Variants in ZAN observed in about 807,000 individuals in gnomAD.
ZAN encodes the protein zonadhesin.
In ZAN, 260 loss-of-function variants were observed where a neutral mutation model predicts 286.2. That is an observed-to-expected ratio of 0.91 (90% confidence interval 0.82 to 1.01). ZAN has a LOEUF of 1.01. Ranked by LOEUF, ZAN falls within the 50% of genes least tolerant of loss-of-function variation. The pLI is 0.00. For synonymous variants in ZAN, 1,368 were observed against 1,417.5 expected (o/e 0.97, Z 0.79); for missense variants, 3,410 against 3,639.2 (o/e 0.94, Z 1.62).
chr7:100,794,415 G>A (rs1236238844), intron 44 of ZAN, among the ~76,000 whole-genome samples, 157 bp downstream of exon 44: 2 of 152,140 alleles, frequency 1.3e-5, no homozygotes, highest in Non-Finnish European at 2.9e-5. Context: ...AAGATCTCCC[G>A]ATCCCTAAGC....
chr7:100,786,193 G>A (rs73411145), intron 37 of ZAN, 52 bp downstream of exon 37: 26 of 1,605,200 alleles, frequency 1.6e-5, no homozygotes, highest in Admixed American at 1.3e-4. Flanking sequence ...TGGCCAGGGC[G>A]GAGGTGGAGG....
In ZAN at chr7:100,752,948, C is replaced by T. The variant is rs1808868650; in HGVS notation, c.2843C>T (p.Pro948Leu). Residue 948 changes from proline to leucine, a missense_variant, in exon 14 of 48, where the codon CCC (proline) becomes CTC (leucine). This residue lies in a region of ZAN where 1,042 missense variants were observed against 1,058.0 expected (regional missense o/e 0.98). Transcript: ENST00000613979. The part of the protein sequence containing the change: ...TEKLTIPTEK[P>L]TISPEKLTIP... Reference sequence around the variant, plus strand: ...AAACTCACCATCCCCACAGAAAAACCCACCATCTCCCCAGAAAAACTCACC... The same window carrying T: ...AAACTCACCATCCCCACAGAAAAACTCACCATCTCCCCAGAAAAACTCACC... 1 of 1,609,916 alleles carries T rather than the reference C, an allele frequency of 6.2e-7. No individual in the cohort carries two copies. The highest frequency in any genetic ancestry group is 8.5e-7 in the Non-Finnish European group (1 of 1,178,492).
At chr7:100,776,370 A>C in intron 33 of ZAN, 70 bp from the exon 34 acceptor site, 1 of 1,513,576 alleles carries the variant, frequency 6.6e-7, no homozygotes, top group Non-Finnish European at 8.9e-7. Context: ...GAGGGAAGGA[A>C]AGAAGGAAGG....
chr7:100,792,969 C>G (rs976716206), intron 42 of ZAN, among the ~76,000 whole-genome samples: 6 of 78,500 alleles, frequency 7.6e-5, no homozygotes, highest in African/African-American at 2.8e-4. Flanking sequence ...GGCAACAGAG[C>G]AACATCCTAT....
At chr7:100,746,832 G>A in intron 8 of ZAN, 130 bp downstream of exon 8, 1 of 1,168,994 alleles carries the variant, frequency 8.6e-7, no homozygotes, top group Non-Finnish European at 1.2e-6. Flanking sequence ...ATTCCATGAA[G>A]TGGAAATCAT....
intron 12 of ZAN, 113 bp downstream of exon 12, chr7:100,751,009 A>G (rs770130350): frequency 1.0e-5 from 15 of 1,465,314 alleles, no homozygotes; most frequent in Non-Finnish European, 1.4e-5. Context: ...AGCCGAGAAA[A>G]GGGGAACTTC....
In ZAN at chr7:100,746,703, G is replaced by T; in HGVS notation, c.931+1G>T. 1 of 1,613,854 alleles carries T rather than the reference G, an allele frequency of 6.2e-7. No individual in the cohort carries two copies. The highest frequency in any genetic ancestry group is 2.2e-5 in the East Asian group (1 of 44,880). On this transcript the variant is annotated splice_donor_variant, in intron 8 of 47. Transcript: ENST00000613979. LOFTEE classifies it high-confidence loss of function. ...CTCCACATTTATGCTTCAGTCTTGG[G>T]TTAGAGCGGAGAATTAATGGGATTT...
intron 12 of ZAN, 69 bp downstream of exon 12, chr7:100,750,965 C>A: frequency 1.3e-6 from 2 of 1,509,192 alleles, no homozygotes; most frequent in Non-Finnish European, 1.8e-6. Flanking sequence ...CTGGGGGCGC[C>A]ACCAGTGCTG....
In ZAN at chr7:100,797,632, C is replaced by G; in HGVS notation, c.8413+9C>G. ...CAGGCTGGTGGACACAGGTGAGAAC[C>G]AACCCCACAGCCCGGAACCTCGGGG... On this transcript the variant is annotated intron_variant, in intron 47 of 47. Transcript: ENST00000613979. 6.2e-7 allele frequency: 1 copy of G among 1,613,996 alleles called. No homozygotes were observed. The highest frequency in any genetic ancestry group is 1.1e-5 in the South Asian group (1 of 91,082).
intron 37 of ZAN, 146 bp from the exon 38 acceptor site, chr7:100,787,743 G>A (rs1268102631): frequency 2.3e-6 from 2 of 859,882 alleles, no homozygotes; most frequent in East Asian, 3.2e-5. Context: ...TGTATTTTTA[G>A]TAGAGACAGG....
chr7:100,784,099 T>A (rs563592482), intron 35 of ZAN, among the ~76,000 whole-genome samples: 5 of 150,474 alleles, frequency 3.3e-5, no homozygotes, highest in Admixed American at 6.7e-5. Context: ...CCACCGTCCT[T>A]CATGCTGGCT....
rs1809721115 is a variant in ZAN, at chr7:100,763,247, C to T, written c.3987-559C>T. 6.6e-6 allele frequency among the ~76,000 whole-genome samples: 1 copy of T among 152,136 alleles called. No individual in the cohort carries two copies. The highest frequency in any genetic ancestry group is 1.5e-5 in the Non-Finnish European group (1 of 68,030). ...CCCAAAATGCAAAATGCCGGGATTA[C>T]AGGCATCACCACCACACCCAGCCTG... On this transcript the variant is annotated intron_variant, in intron 20 of 47. Coordinates refer to ENST00000613979, the MANE Select transcript of ZAN (RefSeq NM_003386.3). This position sits in a 1 kb window ranked among gnomAD's most constrained non-coding sequence, Gnocchi z 4.6.
At chr7:100,759,627 TC>T in intron 17 of ZAN, 93 bp from the exon 18 acceptor site, 1 of 1,262,606 alleles carries the variant, frequency 7.9e-7, no homozygotes. Context: ...TCGGTGGCGC[TC>T]ATCTCTCCCT....
At position 100,744,877 on chromosome 7, in the gene ZAN, T is replaced by G. The variant is rs188434768; in HGVS notation, c.767-1661T>G. 3.1e-3 allele frequency among the ~76,000 whole-genome samples: 463 copies of G among 151,194 alleles called. 14 individuals carry two copies. The highest frequency in any genetic ancestry group is 9.1e-3 in the African/African-American group (375 of 41,004). The stretch of plus-strand genomic sequence containing the variant: ...TCTCATAGGTCTCCTTGGTTTTTTT[T>G]TTGTTGTTGTTGTTTGTTTGTTTTT... On this transcript the variant is annotated intron_variant, in intron 7 of 47. Coordinates refer to ENST00000613979, the MANE Select transcript of ZAN (RefSeq NM_003386.3).
Position 100,790,990 on chromosome 7 carries a change from G to T in ZAN, c.7406G>T (p.Gly2469Val). The T allele has an allele frequency of 6.2e-7, 1 of 1,612,168 alleles. No homozygotes were observed. The highest frequency in any genetic ancestry group is 1.1e-5 in the South Asian group (1 of 90,580). ...MYEGLVSGLC[G>V]NYDKNRKNDM... ...GAGGGGCTTGTGAGTGGCCTGTGCG[G>T]AAACTACGACAAGAACCGCAAGAAT... is the stretch of plus-strand genomic sequence containing the variant. The change falls in exon 40 of 48, where the codon GGA (glycine) becomes GTA (valine). Residue 2469 changes from glycine to valine, a missense_variant. Gly to Val is a moderately radical substitution (Grantham distance 109). This residue lies in a region of ZAN where 1,289 missense variants were observed against 1,314.3 expected (regional missense o/e 0.98). Transcript: ENST00000613979.
intron 34 of ZAN, among the ~76,000 whole-genome samples, chr7:100,777,327 GAC>G (rs772041517): frequency 6.6e-6 from 1 of 151,496 alleles, no homozygotes; most frequent in Non-Finnish European, 1.5e-5. Context: ...AATCATGAGC[GAC>G]TGCACCTGGA....
In ZAN at chr7:100,792,137, G is replaced by A; in HGVS notation, c.7701G>A (p.Glu2567=). 6.2e-7 allele frequency: 1 copy of A among 1,608,710 alleles called. No individual in the cohort carries two copies. The highest frequency in any genetic ancestry group is 1.3e-5 in the African/African-American group (1 of 74,938). ...FAACHQTVAP[E]PFQEHCVLDL... The stretch of plus-strand genomic sequence containing the variant: ...CCTGTCACCAGACGGTGGCCCCAGA[G>A]CCCTTCCAAGAGTGAGTCATGGGCC... Residue 2567 remains glutamate, a synonymous_variant, in exon 41 of 48, where the codon GAG becomes GAA. Transcript: ENST00000613979.
chr7:100,769,589 G>A (rs1452071534), intron 27 of ZAN, among the ~76,000 whole-genome samples: 1 of 150,840 alleles, frequency 6.6e-6, no homozygotes, highest in African/African-American at 2.4e-5. Flanking sequence ...CTGTTGCCCA[G>A]GCTGGAGTGC....
chr7:100,750,510 T>C, intron 11 of ZAN, 115 bp from the exon 12 acceptor site: 1 of 1,258,310 alleles, frequency 7.9e-7, no homozygotes, highest in Non-Finnish European at 1.1e-6. Context: ...TGCTACGACC[T>C]GGGAAATTTG....
Sources: gnomAD v4.1 joint callset for allele counts (sites outside exome capture counted in the v4.1 genomes callset) on GRCh38, gnomAD v4.1.1 for gene constraint, gnomAD v4.1.1 regional missense constraint, Gnocchi (gnomAD v3.1) non-coding constraint, MANE v1.5 for transcripts, NCBI Gene and HGNC (gene_info 2026-07-23, HGNC 2026-07-21) for gene names.